Variants in CREBL2 observed in about 807,000 individuals in gnomAD.
CREBL2 encodes cAMP responsive element binding protein like 2, also known as cAMP-responsive element-binding protein-like 2.
Under a neutral mutation model 19.5 loss-of-function variants are expected in CREBL2, and 4 were observed. That is an observed-to-expected ratio of 0.20 (90% confidence interval 0.10 to 0.47). CREBL2 has a LOEUF of 0.47. Among genes scored for constraint, CREBL2 ranks in the 20% least tolerant of loss-of-function variants. The pLI, the probability that CREBL2 is intolerant of heterozygous loss-of-function variation, is 0.98. For synonymous variants in CREBL2, 42 were observed against 46.6 expected, an observed-to-expected ratio of 0.90 and a Z score of 0.40; for missense variants, 85 against 145.1, an observed-to-expected ratio of 0.59 and a Z score of 2.13.
chr12:12,633,390 G>T (rs549595186), intron 1 of CREBL2, among the ~76,000 whole-genome samples: 2 of 152,200 alleles, frequency 1.3e-5, no homozygotes, highest in African/African-American at 4.8e-5. Flanking sequence ...AGCTGAGATC[G>T]CGCCATTGCA....
At chr12:12,637,104 AC>A (rs1365965307) in intron 2 of CREBL2, among the ~76,000 whole-genome samples, 5 of 152,048 alleles carry the variant, frequency 3.3e-5, no homozygotes, top group Admixed American at 1.3e-4. Flanking sequence ...GTCTTTGTAT[AC>A]CCCCAAAGTC....
chr12:12,628,781 A>G (rs1219103793), intron 1 of CREBL2, among the ~76,000 whole-genome samples: 1 of 152,110 alleles, frequency 6.6e-6, no homozygotes, highest in East Asian at 1.9e-4. Flanking sequence ...CGGCTTGTTC[A>G]ATTTTTAATT....
At position 12,636,044 on chromosome 12, in the gene CREBL2, A is replaced by G. The variant is rs1945472454; in HGVS notation, c.213+70A>G. 3.6e-6 allele frequency: 5 copies of G among 1,373,780 alleles called. No individual in the cohort carries two copies. The South Asian group carries it at 5.3e-5, about 14-fold the overall frequency. 85.1% of individuals were successfully genotyped at this position (1,373,780 alleles called of 1,614,324 possible). A position where few individuals can be genotyped will look rare whatever the true frequency, so the allele number is the denominator to read the frequency against. On this transcript the variant is annotated intron_variant, in intron 2 of 3. Transcript: ENST00000228865. ...CAAATAAATAATACATTAAAATACG[A>G]AAATACCAGTTATCACCTGTCCAGT...
At position 12,637,666 on chromosome 12, in the gene CREBL2, TCAAG is replaced by T. The variant is rs1476165240; in HGVS notation, c.313_316del (p.Ser105GlyfsTer24). 3.3e-5 allele frequency: 54 copies of T among 1,613,184 alleles called. No individual in the cohort carries two copies. The highest frequency in any genetic ancestry group is 4.5e-5 in the Non-Finnish European group (53 of 1,179,688). Reference sequence around the variant, plus strand: ...AGAGCAGAACAAATCTCAGCAGAACTCAAGCAGGCATACCAAGGCTGGGAAGACA... The same window carrying T: ...AGAGCAGAACAAATCTCAGCAGAACTCAGGCATACCAAGGCTGGGAAGACA... On this transcript the variant is annotated frameshift_variant, in exon 3 of 4. Transcript: ENST00000228865. LOFTEE classifies it high-confidence loss of function.
At chr12:12,641,924 T>TATA in intron 3 of CREBL2, 70 bp from the exon 4 acceptor site, 1 of 1,166,268 alleles carries the variant, frequency 8.6e-7, no homozygotes, top group South Asian at 1.5e-5. Flanking sequence ...AATTTATGCA[T>TATA]CTTAAAACAG....
At position 12,637,615 on chromosome 12, in the gene CREBL2, G is replaced by C. The variant is rs1291647904; in HGVS notation, c.259G>C (p.Glu87Gln). Residue 87 changes from glutamate (E) to glutamine (Q), a missense_variant, in exon 3 of 4, where the codon GAA (glutamate) becomes CAA (glutamine). Physicochemically the swap from Glu to Gln is conservative, Grantham distance 29. Around this residue, in one of 5 missense-constraint regions of CREBL2, gnomAD observed 42 missense variants for 38.4 expected, o/e 1.09. Coordinates refer to ENST00000228865, the MANE Select transcript of CREBL2 (RefSeq NM_001310.4). ...MAMDQGKIPS[E>Q]IKALLTGEEQ... ...AATGGACCAAGGAAAAATCCCTTCTGAAATAAAGGCCCTACTCACTGGAGA... is the reference window on the plus strand; with the variant it reads ...AATGGACCAAGGAAAAATCCCTTCTCAAATAAAGGCCCTACTCACTGGAGA... The C allele has an allele frequency of 6.2e-7, 1 of 1,610,510 alleles. No homozygotes were observed. Among genetic ancestry groups the C allele is most frequent in the Non-Finnish European group, 8.5e-7 (1 of 1,177,758 alleles).
intron 1 of CREBL2, among the ~76,000 whole-genome samples, chr12:12,631,950 T>C (rs1379067319): frequency 6.6e-6 from 1 of 152,034 alleles, no homozygotes; most frequent in East Asian, 1.9e-4. Context: ...AGCCAAAACA[T>C]TTGGTTTATT....
At chr12:12,641,117 G>C (rs956110432) in intron 3 of CREBL2, among the ~76,000 whole-genome samples, 4 of 151,424 alleles carry the variant, frequency 2.6e-5, no homozygotes, top group African/African-American at 7.3e-5. Context: ...AGCAACATTT[G>C]TTGAAGAAAC....
intron 1 of CREBL2, among the ~76,000 whole-genome samples, chr12:12,624,367 G>C (rs1265751073): frequency 1.3e-5 from 2 of 152,248 alleles, no homozygotes; most frequent in African/African-American, 2.4e-5. Context: ...ATGGTGGGGA[G>C]ATGCACTGGG....
At chr12:12,633,036 C>T (rs944816072) in intron 1 of CREBL2, among the ~76,000 whole-genome samples, 19 of 151,508 alleles carry the variant, frequency 1.3e-4, no homozygotes, top group African/African-American at 4.1e-4. Flanking sequence ...CACGTTCAAG[C>T]GATTCTCCTG....
intron 1 of CREBL2, among the ~76,000 whole-genome samples, chr12:12,630,476 G>T (rs1191070457): frequency 6.6e-6 from 1 of 151,892 alleles, no homozygotes; most frequent in Admixed American, 6.6e-5. Context: ...GTATTTTTGA[G>T]TTTTTTCTTT....
intron 1 of CREBL2, among the ~76,000 whole-genome samples, chr12:12,613,957 G>C (rs80352381): frequency 6.7e-6 from 1 of 149,188 alleles, no homozygotes; most frequent in Non-Finnish European, 1.5e-5. Context: ...TTTGGGGAGG[G>C]GACATCACAC....
chr12:12,617,929 T>A (rs1019215481), intron 1 of CREBL2, among the ~76,000 whole-genome samples: 10 of 151,836 alleles, frequency 6.6e-5, no homozygotes, highest in Non-Finnish European at 1.3e-4. Flanking sequence ...GCACTGCCCT[T>A]AATCCATTTA....
intron 1 of CREBL2, among the ~76,000 whole-genome samples, chr12:12,625,010 G>A (rs1325655751): frequency 5.9e-5 from 9 of 152,130 alleles, no homozygotes; most frequent in African/African-American, 9.7e-5. Flanking sequence ...AAGTTATGCC[G>A]TCAAGCCATT....
At chr12:12,629,683 C>T (rs1945428079) in intron 1 of CREBL2, among the ~76,000 whole-genome samples, 1 of 152,136 alleles carries the variant, frequency 6.6e-6, no homozygotes, top group Non-Finnish European at 1.5e-5. Context: ...TTGCCTTATT[C>T]ATGATCTTTG....
At position 12,637,669 on chromosome 12, in the gene CREBL2, AGCAG is replaced by A; in HGVS notation, c.317_320del (p.Arg106IlefsTer23). ...GCAGAACAAATCTCAGCAGAACTCAAGCAGGCATACCAAGGCTGGGAAGACAGAT... is the reference window on the plus strand; with the variant it reads ...GCAGAACAAATCTCAGCAGAACTCAAGCATACCAAGGCTGGGAAGACAGAT... On this transcript the variant is annotated frameshift_variant, in exon 3 of 4. Transcript: ENST00000228865. LOFTEE classifies it high-confidence loss of function. 1 of 1,613,464 alleles carries A rather than the reference AGCAG, an allele frequency of 6.2e-7. No individual in the cohort carries two copies. The highest frequency in any genetic ancestry group is 2.2e-5 in the East Asian group (1 of 44,882).
chr12:12,637,847 A>G (rs1945487590), intron 3 of CREBL2, 133 bp downstream of exon 3: 2 of 965,726 alleles, frequency 2.1e-6, no homozygotes, highest in Non-Finnish European at 2.9e-6. Context: ...TCAAGACCAG[A>G]CAGGGCAACA....
In CREBL2 at chr12:12,620,672, T is replaced by C. The variant is rs552680288; in HGVS notation, c.15+8485T>C. On this transcript the variant is annotated intron_variant, in intron 1 of 3. Transcript: ENST00000228865. ...AACCTTAATCTAAGTTTAATCTAAG[T>C]TTAAATAACCTTATTCAGAATGTTT... 2.0e-5 allele frequency among the ~76,000 whole-genome samples: 3 copies of C among 152,380 alleles called. No individual in the cohort carries two copies. In the East Asian group the frequency reaches 5.8e-4, roughly 29 times the overall value.
At chr12:12,612,917 G>A (rs1346678167) in intron 1 of CREBL2, among the ~76,000 whole-genome samples, 4 of 152,128 alleles carry the variant, frequency 2.6e-5, no homozygotes. Context: ...TGTCGCCCAG[G>A]CTGGAGTGCA....
Sources: gnomAD v4.1 joint callset for allele counts (sites outside exome capture counted in the v4.1 genomes callset) on GRCh38, gnomAD v4.1.1 for gene constraint, gnomAD v4.1.1 regional missense constraint, MANE v1.5 for transcripts, NCBI Gene and HGNC (gene_info 2026-07-23, HGNC 2026-07-21) for gene names.